Variants in D2HGDH observed in about 807,000 individuals in gnomAD.
D2HGDH encodes D-2-hydroxyglutarate dehydrogenase, mitochondrial.
D2HGDH carries 31 observed loss-of-function variants against 46.9 expected under a neutral mutation model. That is an observed-to-expected ratio of 0.66 (90% CI 0.50 to 0.89). The LOEUF is 0.89. Ranked by LOEUF, D2HGDH falls within the 40% of genes least tolerant of loss-of-function variation. D2HGDH has a pLI of 0.00. For missense variants in D2HGDH, 698 were observed against 720.8 expected, an observed-to-expected ratio of 0.97 and a Z score of 0.36; for synonymous variants, 364 against 332.6, an observed-to-expected ratio of 1.09 and a Z score of -1.03.
intron 9 of D2HGDH, among the ~76,000 whole-genome samples, chr2:241,764,735 G>A (rs970000216): frequency 2.0e-5 from 3 of 152,214 alleles, no homozygotes; most frequent in South Asian, 2.1e-4. Context: ...GGGGTGGTGC[G>A]TCCTGGTTTG....
rs762857195 is a variant in D2HGDH, at chr2:241,742,465, C to T, written c.381C>T (p.Asn127=). Residue 127 remains asparagine (N), a synonymous_variant, in exon 4 of 10, where the codon AAC becomes AAT. Coordinates refer to ENST00000321264, the MANE Select transcript of D2HGDH (RefSeq NM_152783.5). The surrounding 1 kb of genome is among the most constrained non-coding windows in gnomAD (Gnocchi z 4.8). ...GCCACGAGAGGAACCTGGCCGTGAA[C>T]CCACAGGGGGGCAACACAGGCATGG... The part of the protein sequence containing the change: ...RHCHERNLAV[N]PQGGNTGMVG... The T allele has an allele frequency of 6.2e-7, 1 of 1,613,620 alleles. No homozygotes were observed. The highest frequency in any genetic ancestry group is 1.3e-5 in the African/African-American group (1 of 74,920).
chr2:241,767,406 T>G (rs1353548295), intron 9 of D2HGDH, among the ~76,000 whole-genome samples: 2 of 1,568 alleles, frequency 1.3e-3, no homozygotes, highest in Admixed American at 6.7e-3. Context: ...GGGGGAGAAG[T>G]TGGGGAGATG....
intron 2 of D2HGDH, among the ~76,000 whole-genome samples, chr2:241,738,548 G>A (rs1693561135): frequency 6.6e-6 from 1 of 152,194 alleles, no homozygotes; most frequent in African/African-American, 2.4e-5. Flanking sequence ...CCCGGGGCAT[G>A]CAGGAGCGGG....
intron 7 of D2HGDH, 111 bp downstream of exon 7, chr2:241,750,405 G>A: frequency 1.0e-6 from 1 of 988,678 alleles, no homozygotes; most frequent in East Asian, 2.9e-5. Flanking sequence ...GGGCGGGCGG[G>A]TGGGGGGTCC....
Position 241,758,980 on chromosome 2 carries a change from G to A in D2HGDH, c.1306+2966G>A, listed in dbSNP as rs147811780. Reference sequence around the variant, plus strand: ...TTATCATTCCTTCTTTGACCGATGAGTTATGCAGAAGTGTGTTTCTTAATT... The same window carrying A: ...TTATCATTCCTTCTTTGACCGATGAATTATGCAGAAGTGTGTTTCTTAATT... On this transcript the variant is annotated intron_variant, in intron 9 of 9. Coordinates refer to ENST00000321264, the MANE Select transcript of D2HGDH (RefSeq NM_152783.5). Among the ~76,000 whole-genome samples the A allele has an allele frequency of 3.6e-3, 541 of 152,260 alleles. 4 individuals are homozygous for A. The highest frequency in any genetic ancestry group is 6.1e-3 in the Non-Finnish European group (412 of 68,030).
chr2:241,745,724 G>A (rs1695687800), intron 6 of D2HGDH, among the ~76,000 whole-genome samples: 1 of 152,154 alleles, frequency 6.6e-6, no homozygotes, highest in Non-Finnish European at 1.5e-5. Context: ...ACATATCCTC[G>A]TTCATTTCCT....
At chr2:241,757,532 C>A (rs1698303645) in intron 9 of D2HGDH, among the ~76,000 whole-genome samples, 3 of 152,088 alleles carry the variant, frequency 2.0e-5, no homozygotes, top group Admixed American at 2.0e-4. Flanking sequence ...GGTACGGGAT[C>A]CCCAATATTT....
Position 241,741,020 on chromosome 2 carries a change from C to T in D2HGDH, c.293-13C>T, listed in dbSNP as rs774616925. 16 of 1,613,208 alleles carry T rather than the reference C, an allele frequency of 9.9e-6. No individual in the cohort carries two copies. The East Asian group carries it at 1.3e-4, about 13-fold the overall frequency. On this transcript the variant is annotated splice_polypyrimidine_tract_variant and intron_variant, in intron 2 of 9. Coordinates refer to ENST00000321264, the MANE Select transcript of D2HGDH (RefSeq NM_152783.5). Reference sequence around the variant, plus strand: ...CCCCCACGCTGTCTCATAGGATCTTCTTCCTGTCACAGGCTGTAGCAAGGT... The same window carrying T: ...CCCCCACGCTGTCTCATAGGATCTTTTTCCTGTCACAGGCTGTAGCAAGGT...
chr2:241,767,851 G>A lies in D2HGDH; in HGVS notation c.1448G>A (p.Arg483Lys), dbSNP rs1699281761. The A allele has an allele frequency of 6.2e-7, 1 of 1,611,382 alleles. No homozygotes were observed. The highest frequency in any genetic ancestry group is 1.3e-5 in the African/African-American group (1 of 74,874). ...GAGCACGGAGTGGGCTTCAGGAAGA[G>A]GGACGTCCTGGGCTACAGCAAGCCA... ...SAEHGVGFRK[R>K]DVLGYSKPPG... The change falls in exon 10 of 10, where the codon AGG (arginine) becomes AAG (lysine). Residue 483 changes from arginine to lysine, a missense_variant. Coordinates refer to ENST00000321264, the MANE Select transcript of D2HGDH (RefSeq NM_152783.5).
chr2:241,740,489 C>A (rs1403136033), intron 2 of D2HGDH, among the ~76,000 whole-genome samples: 3 of 152,208 alleles, frequency 2.0e-5, no homozygotes, highest in Non-Finnish European at 4.4e-5. Flanking sequence ...ACACTGTGCC[C>A]AGTGCCCGGC....
chr2:241,744,609 T>C, intron 5 of D2HGDH, 100 bp from the exon 6 acceptor site: 2 of 1,420,750 alleles, frequency 1.4e-6, no homozygotes, highest in Non-Finnish European at 2.0e-6. Context: ...CCTCTTGGCA[T>C]GACCTCAGGC....
intron 8 of D2HGDH, chr2:241,755,344 ACTGCCTGTGTGACT>A: frequency 7.7e-7 from 1 of 1,291,690 alleles, no homozygotes; most frequent in Non-Finnish European, 1.0e-6. Flanking sequence ...TGTTGTCCCC[ACTGCCTGTGTGACT>A]CTGCGCCCCC....
rs1399246787 is a variant in D2HGDH, at chr2:241,768,095, T to TG, written c.*129dup. 3 of 1,370,186 alleles carry TG rather than the reference T, an allele frequency of 2.2e-6. No homozygotes were observed. Among genetic ancestry groups the TG allele is most frequent in the Non-Finnish European group, 2.9e-6 (3 of 1,031,856 alleles). The allele number at this position is 1,370,186 out of a possible 1,614,324, so 84.9% of individuals were successfully genotyped here. ...GGACCAGGCACCTGGTTGAAGGGAC[T>TG]GGGAGCCCGCACTGGGGAACTGCCG... On this transcript the variant is annotated 3_prime_UTR_variant, in exon 10 of 10. Coordinates refer to ENST00000321264, the MANE Select transcript of D2HGDH (RefSeq NM_152783.5).
intron 7 of D2HGDH, among the ~76,000 whole-genome samples, 162 bp downstream of exon 7, chr2:241,750,456 A>T (rs1696978092): frequency 6.6e-6 from 1 of 152,148 alleles, no homozygotes; most frequent in South Asian, 2.1e-4. Flanking sequence ...CATGTGTAAG[A>T]AAGCTGCTCT....
chr2:241,736,623 G>C (rs1435739323), intron 2 of D2HGDH, among the ~76,000 whole-genome samples: 2 of 151,084 alleles, frequency 1.3e-5, no homozygotes, highest in African/African-American at 4.9e-5. Context: ...CAGGATGATC[G>C]TATCTCAGTA....
intron 9 of D2HGDH, among the ~76,000 whole-genome samples, chr2:241,756,418 A>G (rs1263368481): frequency 1.3e-5 from 2 of 152,244 alleles, no homozygotes; most frequent in Non-Finnish European, 2.9e-5. Flanking sequence ...CTACCCCTTC[A>G]GATGGGAGGA....
intron 6 of D2HGDH, 118 bp from the exon 7 acceptor site, chr2:241,750,033 C>A: frequency 6.7e-7 from 1 of 1,492,612 alleles, no homozygotes; most frequent in South Asian, 1.2e-5. Flanking sequence ...TCGTGCTCCT[C>A]GTGGCTGCCC....
rs766755320 is a variant in D2HGDH at position 241,743,752 on chromosome 2, C to T, written c.621C>T (p.Asn207=). 44 of 1,612,434 alleles carry T rather than the reference C, an allele frequency of 2.7e-5. 1 individual carries two copies. The highest frequency in any genetic ancestry group is 6.6e-5 in the South Asian group (6 of 90,670). ...SCHIGGNVAT[N]AGGLRFLRYG... ...ACATCGGGGGAAACGTGGCAACCAA[C>T]GCTGGAGGCCTGCGGTTTCTTCGAT... The change falls in exon 5 of 10, where the codon AAC becomes AAT. Residue 207 remains asparagine, a synonymous_variant. Transcript: ENST00000321264. The surrounding 1 kb of genome is among the most constrained non-coding windows in gnomAD (Gnocchi z 4.8).
At chr2:241,749,274 G>C (rs2125128808) in intron 6 of D2HGDH, 2 of 1,277,144 alleles carry the variant, frequency 1.6e-6, no homozygotes, top group East Asian at 5.6e-5. Context: ...CAGGCCTTGA[G>C]GTGCTCCTGT....
Sources: gnomAD v4.1 joint callset for allele counts (sites outside exome capture counted in the v4.1 genomes callset) on GRCh38, gnomAD v4.1.1 for gene constraint, Gnocchi (gnomAD v3.1) non-coding constraint, MANE v1.5 for transcripts, NCBI Gene and HGNC (gene_info 2026-07-23, HGNC 2026-07-21) for gene names.